Variants in TEX2 observed in about 807,000 individuals in gnomAD.
TEX2 encodes testis expressed 2, also known as testis-expressed protein 2.
A neutral mutation model predicts 106.9 loss-of-function variants in TEX2; 53 were observed. The ratio of observed to expected loss-of-function variants is 0.50; its 90% confidence interval spans 0.40 to 0.62. The LOEUF (loss-of-function observed/expected upper bound fraction) is 0.62. Ranked by LOEUF, TEX2 falls within the 20% of genes least tolerant of loss-of-function variation. TEX2 has a pLI of 0.00. For synonymous variants in TEX2, 523 were observed against 534.8 expected (o/e 0.98, Z 0.30); for missense variants, 1,207 against 1,379.0 (o/e 0.88, Z 1.98).
intron 1 of TEX2, among the ~76,000 whole-genome samples, chr17:64,257,733 T>C (rs1555637943): frequency 6.6e-6 from 1 of 152,180 alleles, no homozygotes; most frequent in Non-Finnish European, 1.5e-5. Flanking sequence ...AAGCACAAGA[T>C]TAATGACGCT....
chr17:64,234,217 C>A (rs1293448216), intron 1 of TEX2, among the ~76,000 whole-genome samples: 1 of 152,160 alleles, frequency 6.6e-6, no homozygotes, highest in Non-Finnish European at 1.5e-5. Flanking sequence ...GGAACCACAC[C>A]GTCTAATCTA....
At chr17:64,260,613 G>A (rs763303192) in intron 1 of TEX2, among the ~76,000 whole-genome samples, 10 of 152,192 alleles carry the variant, frequency 6.6e-5, no homozygotes, top group Non-Finnish European at 1.2e-4. Flanking sequence ...ACCTCCATTA[G>A]AGGGCTGCTC....
Position 64,218,405 on chromosome 17 carries a change from CTTTTTTTTTT to C in TEX2, c.-25-4173_-25-4164del, listed in dbSNP as rs10526886. ...CCTAGTCTGGCAAAGGACACTTTCA[CTTTTTTTTTT>C]TTTTTTTTTTTTTTTTTTTTAAAGA... On this transcript the variant is annotated intron_variant, in intron 1 of 11. Coordinates refer to ENST00000584379, the MANE Select transcript of TEX2 (RefSeq NM_001288732.2). Among the ~76,000 whole-genome samples the C allele has an allele frequency of 1.8e-3, 215 of 120,598 alleles. 4 individuals carry two copies. Among genetic ancestry groups the C allele is most frequent in the South Asian group, 3.4e-3 (13 of 3,840 alleles). The allele number at this position is 120,598 out of a possible 152,430, so 79.1% of individuals were successfully genotyped here.
chr17:64,152,267 A>T (rs188479776), intron 10 of TEX2, among the ~76,000 whole-genome samples: 1 of 152,276 alleles, frequency 6.6e-6, no homozygotes, highest in East Asian at 1.9e-4. Flanking sequence ...GTGATGCTGA[A>T]CTCATCAGTA....
chr17:64,156,886 T>G (rs1168580030), intron 8 of TEX2, among the ~76,000 whole-genome samples: 1 of 152,210 alleles, frequency 6.6e-6, no homozygotes, highest in Admixed American at 6.5e-5. Flanking sequence ...GCTCCAACCC[T>G]GGGCAGAAGA....
intron 1 of TEX2, among the ~76,000 whole-genome samples, chr17:64,253,372 C>T (rs2034128688): frequency 1.3e-5 from 2 of 150,980 alleles, no homozygotes; most frequent in South Asian, 4.2e-4. Context: ...ACTATGTTGC[C>T]CAGGCTGGTG....
intron 6 of TEX2, among the ~76,000 whole-genome samples, chr17:64,173,904 G>A (rs2031514784): frequency 6.6e-6 from 1 of 151,908 alleles, no homozygotes; most frequent in Non-Finnish European, 1.5e-5. Flanking sequence ...GGAGTGCAGT[G>A]GTGCAATCAT....
At chr17:64,158,360 G>C (rs536188599) in intron 8 of TEX2, among the ~76,000 whole-genome samples, 2 of 152,316 alleles carry the variant, frequency 1.3e-5, no homozygotes, top group East Asian at 3.9e-4. Context: ...TGAAGCCGAG[G>C]CCCTGCCAGG....
chr17:64,190,069 A>C (rs1243535685), intron 4 of TEX2, among the ~76,000 whole-genome samples: 1 of 152,176 alleles, frequency 6.6e-6, no homozygotes, highest in Non-Finnish European at 1.5e-5. Context: ...CAACCATCAG[A>C]ACCATAATTC....
chr17:64,225,627 A>C (rs973826505), intron 1 of TEX2, among the ~76,000 whole-genome samples: 2 of 152,208 alleles, frequency 1.3e-5, no homozygotes, highest in Admixed American at 6.5e-5. Context: ...AAGCCAAGAG[A>C]GTATGGTGCC....
At chr17:64,255,832 G>A (rs1363779640) in intron 1 of TEX2, 7 of 152,224 alleles carry the variant, frequency 4.6e-5, no homozygotes, top group Non-Finnish European at 8.8e-5. Flanking sequence ...GCAACTCCGA[G>A]TTGTCATGTT....
intron 2 of TEX2, among the ~76,000 whole-genome samples, chr17:64,196,158 A>C (rs1347461439): frequency 6.6e-6 from 1 of 152,238 alleles, no homozygotes; most frequent in Non-Finnish European, 1.5e-5. Context: ...GAATTCTTTC[A>C]TTCATCCTTT....
intron 10 of TEX2, among the ~76,000 whole-genome samples, chr17:64,151,404 A>C (rs891361397): frequency 2.6e-5 from 4 of 152,230 alleles, no homozygotes; most frequent in Non-Finnish European, 5.9e-5. Context: ...TATTGACAGA[A>C]GTAGGGTGAA....
At chr17:64,161,002 A>G (rs1368609708) in intron 7 of TEX2, 69 bp from the exon 8 acceptor site, 9 of 1,531,976 alleles carry the variant, frequency 5.9e-6, no homozygotes, top group African/African-American at 4.2e-5. Flanking sequence ...AATGACTTAC[A>G]TTTAAAAATA....
At chr17:64,207,822 G>A (rs548976300) in intron 2 of TEX2, among the ~76,000 whole-genome samples, 5 of 151,246 alleles carry the variant, frequency 3.3e-5, no homozygotes, top group Non-Finnish European at 7.4e-5. Flanking sequence ...TGCAAGCTCT[G>A]CCTCCCGGGT....
intron 5 of TEX2, among the ~76,000 whole-genome samples, chr17:64,183,659 C>T (rs962969830): frequency 1.4e-4 from 21 of 152,198 alleles, no homozygotes; most frequent in Non-Finnish European, 2.9e-4. Context: ...AACTCCTGAG[C>T]TCAGGCAGTC....
intron 9 of TEX2, 28 bp downstream of exon 9, chr17:64,154,814 A>G (rs762398714): frequency 1.3e-6 from 2 of 1,546,278 alleles, no homozygotes; most frequent in South Asian, 1.2e-5. Context: ...CTGGAGACTC[A>G]GAGGCACAGA....
intron 4 of TEX2, among the ~76,000 whole-genome samples, chr17:64,192,533 T>C (rs2032335965): frequency 6.6e-6 from 1 of 152,194 alleles, no homozygotes; most frequent in African/African-American, 2.4e-5. Flanking sequence ...TCCAGTACTG[T>C]GAGAGAATAC....
chr17:64,150,780 C>G, intron 11 of TEX2, 61 bp downstream of exon 11: 1 of 1,538,956 alleles, frequency 6.5e-7, no homozygotes, highest in Non-Finnish European at 8.7e-7. Context: ...AGTTCAGAAC[C>G]TCGGCTAAAC....
Sources: gnomAD v4.1 joint callset for allele counts (sites outside exome capture counted in the v4.1 genomes callset) on GRCh38, gnomAD v4.1.1 for gene constraint, MANE v1.5 for transcripts, NCBI Gene and HGNC (gene_info 2026-07-23, HGNC 2026-07-21) for gene names.